SHANK2: variants seen among roughly 807,000 people sequenced by gnomAD.
The protein encoded by SHANK2 is SH3 and multiple ankyrin repeat domains protein 2.
In SHANK2, 43 loss-of-function variants were observed where a neutral mutation model predicts 133.7. The ratio of observed to expected loss-of-function variants is 0.32; its 90% CI spans 0.25 to 0.41. SHANK2 has a LOEUF of 0.41. SHANK2 is among the 10% of genes least tolerant of loss of function. The probability of loss-of-function intolerance (pLI) is 1.00; values close to 1 mark genes in which losing one functional copy is unlikely to be tolerated. For missense variants in SHANK2, 1,994 were observed against 2,235.8 expected (o/e 0.89, Z 2.18); for synonymous variants, 1,017 against 952.8 (o/e 1.07, Z -1.24).
chr11:70,740,812 G>C (rs782354051), intron 14 of SHANK2, among the ~76,000 whole-genome samples: 1 of 152,176 alleles, frequency 6.6e-6, no homozygotes, highest in Non-Finnish European at 1.5e-5. Context: ...CCCAGAGGCA[G>C]TTCTGGATGT....
At chr11:70,510,183 G>C (rs534415933) in intron 17 of SHANK2, among the ~76,000 whole-genome samples, 1 of 152,344 alleles carries the variant, frequency 6.6e-6, no homozygotes, top group African/African-American at 2.4e-5. Context: ...CAGACCTGCA[G>C]AGATGGCAGA....
At chr11:70,570,638 G>A (rs1554982866) in intron 17 of SHANK2, 1 of 152,414 alleles carries the variant, frequency 6.6e-6, no homozygotes, top group Non-Finnish European at 1.5e-5. Flanking sequence ...CTTCAGACAG[G>A]GTCACCCTCC....
At chr11:71,152,263 C>CCA (rs1399254832) in intron 2 of SHANK2, among the ~76,000 whole-genome samples, 1 of 152,142 alleles carries the variant, frequency 6.6e-6, no homozygotes, top group Non-Finnish European at 1.5e-5. Flanking sequence ...CAGATACCTG[C>CCA]CACCATGCCT....
intron 1 of SHANK2, among the ~76,000 whole-genome samples, chr11:71,234,402 TAAC>T (rs1227093812): frequency 2.0e-5 from 3 of 148,866 alleles, no homozygotes; most frequent in East Asian, 3.9e-4. Flanking sequence ...AATAAATAAA[TAAC>T]AACAAAATGT....
intron 14 of SHANK2, among the ~76,000 whole-genome samples, chr11:70,710,904 C>T (rs988756477): frequency 1.4e-4 from 21 of 152,144 alleles, no homozygotes; most frequent in African/African-American, 4.3e-4. Context: ...GCACAGGAAA[C>T]GGAGGGAACT....
At chr11:71,208,374 G>C (rs1954174842) in intron 2 of SHANK2, among the ~76,000 whole-genome samples, 1 of 152,140 alleles carries the variant, frequency 6.6e-6, no homozygotes, top group East Asian at 1.9e-4. Flanking sequence ...AAGGCTCCAA[G>C]GATGGACTGG....
chr11:70,473,570 A>T lies in SHANK2; in HGVS notation c.4980-131T>A. ...AGTGTCTAGTGGCAGATCCACTGGC[A>T]GTGAACGAATGATTTGCCATGCCAG... is the stretch of plus-strand genomic sequence containing the variant. On this transcript the variant is annotated intron_variant, in intron 25 of 25. Coordinates refer to ENST00000601538, the MANE Select transcript of SHANK2 (RefSeq NM_012309.5). The surrounding 1 kb of genome is among the most constrained non-coding windows in gnomAD (Gnocchi z 5.9). 1.3e-5 allele frequency: 10 copies of T among 783,326 alleles called. No homozygotes were observed. The highest frequency in any genetic ancestry group is 2.1e-5 in the Non-Finnish European group (10 of 469,846). The allele number at this position is 783,326 out of a possible 1,614,324, so 48.5% of individuals were successfully genotyped here.
intron 14 of SHANK2, among the ~76,000 whole-genome samples, chr11:70,744,422 C>A (rs940439555): frequency 6.6e-6 from 1 of 152,232 alleles, no homozygotes; most frequent in African/African-American, 2.4e-5. Flanking sequence ...GCAATGTGAG[C>A]CTGCAGTGGG....
intron 17 of SHANK2, among the ~76,000 whole-genome samples, chr11:70,580,138 T>G (rs1554985080): frequency 6.6e-6 from 1 of 152,232 alleles, no homozygotes; most frequent in Non-Finnish European, 1.5e-5. Flanking sequence ...CACAGCTGAC[T>G]TCTACAAGGC....
chr11:70,857,715 G>C (rs1181986932), intron 11 of SHANK2, among the ~76,000 whole-genome samples: 1 of 152,180 alleles, frequency 6.6e-6, no homozygotes, highest in Non-Finnish European at 1.5e-5. Flanking sequence ...GGAGATCTAA[G>C]CCCACAAGAC....
At chr11:70,873,120 AATG>A (rs782681878) in intron 11 of SHANK2, 5 of 471,106 alleles carry the variant, frequency 1.1e-5, no homozygotes, top group African/African-American at 1.0e-4. Flanking sequence ...CAGTTTATAG[AATG>A]ATATGTTTGT....
intron 11 of SHANK2, among the ~76,000 whole-genome samples, chr11:70,822,591 G>A (rs1948548248): frequency 1.3e-5 from 2 of 151,068 alleles, no homozygotes; most frequent in South Asian, 4.2e-4. Flanking sequence ...GTTCACGGGG[G>A]ACAGAGGTGG....
At chr11:70,810,921 C>A (rs1027463469) in intron 12 of SHANK2, among the ~76,000 whole-genome samples, 1 of 152,148 alleles carries the variant, frequency 6.6e-6, no homozygotes, top group Non-Finnish European at 1.5e-5. Flanking sequence ...GCCGGTGATG[C>A]GACATGGGCG....
chr11:70,784,443 G>A (rs1447973800), intron 14 of SHANK2, among the ~76,000 whole-genome samples: 1 of 122,470 alleles, frequency 8.2e-6, no homozygotes, highest in Admixed American at 9.9e-5. Flanking sequence ...TGCAACCTCT[G>A]CCTCCTGGGT....
Position 70,473,600 on chromosome 11 carries a change from G to A in SHANK2, c.4980-161C>T. On this transcript the variant is annotated intron_variant, in intron 25 of 25. Coordinates refer to ENST00000601538, the MANE Select transcript of SHANK2 (RefSeq NM_012309.5). The surrounding 1 kb of genome is among the most constrained non-coding windows in gnomAD (Gnocchi z 5.9). ...ACGAATGATTTGCCATGCCAGGGTG[G>A]GGGAGGGGGAGAAAGGGGCCAGAGC... 1 of 748,880 alleles carries A rather than the reference G, an allele frequency of 1.3e-6. No individual in the cohort carries two copies. The highest frequency in any genetic ancestry group is 2.0e-5 in the Admixed American group (1 of 49,826). 46.4% of individuals were successfully genotyped at this position (748,880 alleles called of 1,614,324 possible).
Position 70,698,767 on chromosome 11 carries a change from T to C in SHANK2, c.1778-4A>G, listed in dbSNP as rs1555022929. 1 of 718,510 alleles carries C rather than the reference T, an allele frequency of 1.4e-6. No homozygotes were observed. The highest frequency in any genetic ancestry group is 1.7e-5 in the African/African-American group (1 of 57,330). The allele number at this position is 718,510 out of a possible 1,614,324, so 44.5% of individuals were successfully genotyped here. ...TTGCTGCGGTCAGCGCGGGTTTCTGTACAGAGAGGGAAGAGAAACACCATT... is the reference window on the plus strand; with the variant it reads ...TTGCTGCGGTCAGCGCGGGTTTCTGCACAGAGAGGGAAGAGAAACACCATT... On this transcript the variant is annotated splice_region_variant and splice_polypyrimidine_tract_variant and intron_variant, in intron 14 of 25. Coordinates refer to ENST00000601538, the MANE Select transcript of SHANK2 (RefSeq NM_012309.5).
Position 70,696,628 on chromosome 11 carries a change from C to T in SHANK2, c.1853+2060G>A, listed in dbSNP as rs906479058. Among the ~76,000 whole-genome samples the T allele has an allele frequency of 5.3e-5, 8 of 152,182 alleles. No individual in the cohort carries two copies. The South Asian group carries it at 1.2e-3, about 24-fold the overall frequency. On this transcript the variant is annotated intron_variant, in intron 15 of 25. Coordinates refer to ENST00000601538, the MANE Select transcript of SHANK2 (RefSeq NM_012309.5). ...TTGGGCTTCAAGGTCACAAAGTGGG[C>T]GAGTGTAGCAAGACCTGGAAAGTCT...
At position 70,740,571 on chromosome 11, in the gene SHANK2, G is replaced by A. The variant is rs868983995; in HGVS notation, c.1778-41808C>T. Among the ~76,000 whole-genome samples the A allele has an allele frequency of 3.3e-5, 5 of 152,152 alleles. No homozygotes were observed. In the South Asian group the frequency reaches 6.2e-4, roughly 19 times the overall value. Reference sequence around the variant, plus strand: ...GTGATGCGTCAGAGGAACTGGGACTGAAGTCTTCCTGTTCCTCCCCCTCAC... The same window carrying A: ...GTGATGCGTCAGAGGAACTGGGACTAAAGTCTTCCTGTTCCTCCCCCTCAC... On this transcript the variant is annotated intron_variant, in intron 14 of 25. Coordinates refer to ENST00000601538, the MANE Select transcript of SHANK2 (RefSeq NM_012309.5).
chr11:71,134,945 A>G (rs568351215), intron 3 of SHANK2, among the ~76,000 whole-genome samples: 7 of 152,228 alleles, frequency 4.6e-5, no homozygotes, highest in African/African-American at 1.7e-4. Flanking sequence ...ACGATGTCAC[A>G]TGCTCTGTAC....
Sources: allele counts gnomAD v4.1 joint callset (sites outside exome capture counted in the v4.1 genomes callset), GRCh38; gene constraint gnomAD v4.1.1; non-coding constraint Gnocchi (gnomAD v3.1); transcripts MANE v1.5; gene names NCBI Gene and HGNC (gene_info 2026-07-23, HGNC 2026-07-21).